The following FAM222B variants were observed in gnomAD, a reference collection of about 807,000 sequenced individuals.
FAM222B encodes protein FAM222B.
Under a neutral mutation model 38.0 loss-of-function variants are expected in FAM222B, and 12 were observed. The observed-to-expected ratio is 0.32, with a 90% CI of 0.20 to 0.51. The LOEUF (loss-of-function observed/expected upper bound fraction) is 0.51, where lower values mean the gene tolerates loss of function less well. Ranked by LOEUF, FAM222B falls within the 20% of genes least tolerant of loss-of-function variation. The pLI, the probability that FAM222B is intolerant of heterozygous loss-of-function variation, is 0.97. For synonymous variants in FAM222B, 329 were observed against 317.2 expected (o/e 1.04, Z -0.40); for missense variants, 716 against 754.2 (o/e 0.95, Z 0.59).
At chr17:28,848,741 G>C (rs917006837) in intron 1 of FAM222B, 14 of 152,146 alleles carry the variant, frequency 9.2e-5, no homozygotes, top group Admixed American at 4.6e-4. Context: ...CTGGGCGACA[G>C]AGCAAGACTG....
At chr17:28,800,723 C>T (rs1420038941) in intron 1 of FAM222B, among the ~76,000 whole-genome samples, 1 of 152,076 alleles carries the variant, frequency 6.6e-6, no homozygotes, top group Non-Finnish European at 1.5e-5. Flanking sequence ...TTGCACCATA[C>T]CTCACTAAAT....
intron 1 of FAM222B, among the ~76,000 whole-genome samples, chr17:28,787,826 C>CTTTTTTTTT (rs59467944): frequency 1.7e-4 from 22 of 130,180 alleles, no homozygotes; most frequent in African/African-American, 3.9e-4. Flanking sequence ...ATAAAGTAGT[C>CTTTTTTTTT]TTTTTTTTTT....
intron 1 of FAM222B, among the ~76,000 whole-genome samples, chr17:28,848,478 G>A (rs1309889015): frequency 6.6e-6 from 1 of 151,928 alleles, no homozygotes; most frequent in African/African-American, 2.4e-5. Flanking sequence ...TTCAAGTAGG[G>A]GCCCGGGCAC....
chr17:28,787,052 G>A (rs1194334170), intron 1 of FAM222B, among the ~76,000 whole-genome samples: 1 of 152,064 alleles, frequency 6.6e-6, no homozygotes, highest in Non-Finnish European at 1.5e-5. Context: ...AGCCTCCTGA[G>A]TAGTTGAGAC....
At chr17:28,766,451 T>TC (rs1181300572) in intron 2 of FAM222B, 135 bp downstream of exon 2, 4 of 703,322 alleles carry the variant, frequency 5.7e-6, no homozygotes, top group East Asian at 2.8e-5. Context: ...GAGCAAGACT[T>TC]CGTCTTAAAA....
intron 1 of FAM222B, among the ~76,000 whole-genome samples, chr17:28,852,028 G>A (rs1265031057): frequency 6.6e-6 from 1 of 151,880 alleles, no homozygotes; most frequent in African/African-American, 2.4e-5. Context: ...CTCCAGCTCA[G>A]ACAACAGAGT....
chr17:28,837,106 G>A (rs1037672124), intron 1 of FAM222B, among the ~76,000 whole-genome samples: 5 of 151,286 alleles, frequency 3.3e-5, no homozygotes, highest in Admixed American at 1.3e-4. Flanking sequence ...ACAAGAGTGA[G>A]ACTCCATCTC....
At chr17:28,838,091 C>G (rs1027786243) in intron 1 of FAM222B, among the ~76,000 whole-genome samples, 1 of 151,614 alleles carries the variant, frequency 6.6e-6, no homozygotes, top group African/African-American at 2.4e-5. Context: ...CATGGTGAAA[C>G]ACCATTTCTA....
intron 1 of FAM222B, among the ~76,000 whole-genome samples, chr17:28,825,613 A>G (rs1157631382): frequency 6.6e-6 from 1 of 151,888 alleles, no homozygotes; most frequent in Non-Finnish European, 1.5e-5. Flanking sequence ...ATTCCTCCTT[A>G]GGTGTTCTGC....
At chr17:28,838,642 C>T (rs906154874) in intron 1 of FAM222B, among the ~76,000 whole-genome samples, 1 of 152,022 alleles carries the variant, frequency 6.6e-6, no homozygotes, top group African/African-American at 2.4e-5. Context: ...CGCGGTGGCT[C>T]ACACCTGCAA....
upstream of FAM222B, among the ~76,000 whole-genome samples, chr17:28,846,333 C>T (rs375914699): frequency 2.4e-3 from 370 of 151,818 alleles, no homozygotes; most frequent in African/African-American, 8.7e-3. Flanking sequence ...TACACTACAC[C>T]GCAGCCTAAG....
At chr17:28,762,893 G>C (rs1046327064) in intron 2 of FAM222B, among the ~76,000 whole-genome samples, 2 of 149,460 alleles carry the variant, frequency 1.3e-5, no homozygotes, top group Non-Finnish European at 3.0e-5. Context: ...AGCCAAGATC[G>C]CACCACTGCA....
Position 28,757,941 on chromosome 17 carries a change from G to C in FAM222B, c.*329C>G. On this transcript the variant is annotated 3_prime_UTR_variant, in exon 3 of 3. Transcript: ENST00000581407. ...GGGCATTCCGTCAGCCCACACCTCA[G>C]TCGTCCTAAGGGAAACAGGAAGAGA... 1 of 235,442 alleles carries C rather than the reference G, an allele frequency of 4.2e-6. No individual in the cohort carries two copies. The highest frequency in any genetic ancestry group is 8.3e-6 in the Non-Finnish European group (1 of 120,368). 14.6% of individuals were successfully genotyped at this position (235,442 alleles called of 1,614,324 possible).
chr17:28,772,024 T>G (rs1227338199), intron 1 of FAM222B, among the ~76,000 whole-genome samples: 1 of 152,064 alleles, frequency 6.6e-6, no homozygotes, highest in Non-Finnish European at 1.5e-5. Context: ...GCCACTGAGC[T>G]CCAGCCTGGG....
At chr17:28,818,273 A>G (rs532214235) in intron 1 of FAM222B, among the ~76,000 whole-genome samples, 155 of 152,284 alleles carry the variant, frequency 1.0e-3, no homozygotes, top group African/African-American at 3.6e-3. Flanking sequence ...TCACGCCTGT[A>G]ATCCCAGCAC....
intron 1 of FAM222B, among the ~76,000 whole-genome samples, chr17:28,847,934 AAAAG>A (rs1277964646): frequency 2.6e-5 from 4 of 151,818 alleles, no homozygotes; most frequent in South Asian, 2.1e-4. Context: ...AAAAGAAAAG[AAAAG>A]AAAGAAAGAA....
intron 1 of FAM222B, among the ~76,000 whole-genome samples, chr17:28,771,459 A>C (rs1361223769): frequency 6.6e-6 from 1 of 151,992 alleles, no homozygotes; most frequent in Non-Finnish European, 1.5e-5. Flanking sequence ...AGGCAGGGGG[A>C]TCACAAGGTC....
chr17:28,789,468 C>A (rs1461561225), intron 1 of FAM222B, among the ~76,000 whole-genome samples: 1 of 152,210 alleles, frequency 6.6e-6, no homozygotes, highest in African/African-American at 2.4e-5. Context: ...CCTGGGGTTA[C>A]AGGCGTGAGC....
At chr17:28,760,511 C>T (rs1415504090) in intron 2 of FAM222B, among the ~76,000 whole-genome samples, 2 of 151,506 alleles carry the variant, frequency 1.3e-5, no homozygotes, top group Non-Finnish European at 2.9e-5. Context: ...ACCCAGGAGG[C>T]GGAGGTTGCA....
Sources: gnomAD v4.1 joint callset for allele counts (sites outside exome capture counted in the v4.1 genomes callset) on GRCh38, gnomAD v4.1.1 for gene constraint, MANE v1.5 for transcripts, NCBI Gene and HGNC (gene_info 2026-07-23, HGNC 2026-07-21) for gene names.